Variants in MREG observed in about 807,000 individuals in gnomAD.
MREG encodes the protein dilute suppressor protein homolog.
Under a neutral mutation model 28.5 loss-of-function variants are expected in MREG, and 31 were observed. The observed-to-expected ratio is 1.09, with a 90% CI of 0.82 to 1.47. MREG has a LOEUF of 1.47. MREG is among the 40% of genes most tolerant of loss of function. The pLI is 0.00. For missense variants in MREG, 256 were observed against 257.4 expected (o/e 0.99, Z 0.04); for synonymous variants, 106 against 95.2 (o/e 1.11, Z -0.66).
At chr2:216,019,177 A>G (rs1008253691) in intron 1 of MREG, among the ~76,000 whole-genome samples, 3 of 152,172 alleles carry the variant, frequency 2.0e-5, no homozygotes, top group Admixed American at 1.3e-4. Flanking sequence ...CTTGTCAATC[A>G]ATACTAATTT....
At chr2:215,985,733 C>T (rs1397990130) in intron 2 of MREG, among the ~76,000 whole-genome samples, 1 of 152,138 alleles carries the variant, frequency 6.6e-6, no homozygotes, top group Non-Finnish European at 1.5e-5. Flanking sequence ...TATTTGTTAT[C>T]ATTCAGAGAA....
intron 2 of MREG, among the ~76,000 whole-genome samples, chr2:215,987,672 G>C (rs570326947): frequency 8.7e-4 from 132 of 152,300 alleles, no homozygotes; most frequent in African/African-American, 3.1e-3. Context: ...CCTGAGGTCA[G>C]GAGCTCGAGA....
intron 2 of MREG, among the ~76,000 whole-genome samples, chr2:215,948,288 G>A (rs1217827227): frequency 6.6e-6 from 1 of 152,204 alleles, no homozygotes; most frequent in Non-Finnish European, 1.5e-5. Context: ...TTGTTACGAC[G>A]GCATTTTAGA....
intron 1 of MREG, among the ~76,000 whole-genome samples, chr2:216,010,498 C>T (rs1353778485): frequency 6.6e-6 from 1 of 151,024 alleles, no homozygotes; most frequent in African/African-American, 2.4e-5. Flanking sequence ...GCTGGGACTA[C>T]AGGCGCCCGC....
intron 2 of MREG, among the ~76,000 whole-genome samples, chr2:215,984,518 C>CAAAAAAAAAAAAAAAAAAAAAAAA (rs375220091): frequency 2.9e-5 from 2 of 68,064 alleles, no homozygotes; most frequent in African/African-American, 1.4e-4. Flanking sequence ...ACCTTGTCAC[C>CAAAAAAAAAAAAAAAAAAAAAAAA]AAAAAAAAAA....
intron 2 of MREG, among the ~76,000 whole-genome samples, chr2:215,972,176 T>G (rs1432724140): frequency 6.6e-6 from 1 of 152,144 alleles, no homozygotes. Context: ...GCAGTATTTC[T>G]CAGATGATGA....
At chr2:216,029,338 C>T (rs1694644848) in intron 1 of MREG, among the ~76,000 whole-genome samples, 1 of 152,084 alleles carries the variant, frequency 6.6e-6, no homozygotes. Flanking sequence ...ATTAGCTGGG[C>T]GTGGTGGCGC....
chr2:216,008,988 A>G (rs1406031836), intron 1 of MREG, among the ~76,000 whole-genome samples: 3 of 152,162 alleles, frequency 2.0e-5, no homozygotes, highest in African/African-American at 7.2e-5. Context: ...CCATAGCCCT[A>G]TGAAGCACAG....
chr2:215,970,370 T>G (rs1693055886), intron 2 of MREG, among the ~76,000 whole-genome samples: 1 of 152,158 alleles, frequency 6.6e-6, no homozygotes, highest in Non-Finnish European at 1.5e-5. Context: ...CAAATTTCTG[T>G]TGTTTAAGCC....
downstream of MREG, among the ~76,000 whole-genome samples, chr2:215,940,839 T>G (rs1692188762): frequency 6.6e-6 from 1 of 152,102 alleles, no homozygotes; most frequent in African/African-American, 2.4e-5. Context: ...AGTGTATGTG[T>G]GTTGTGTGTG....
At chr2:215,954,939 G>T (rs1371970633) in intron 2 of MREG, among the ~76,000 whole-genome samples, 1 of 152,186 alleles carries the variant, frequency 6.6e-6, no homozygotes, top group Admixed American at 6.5e-5. Flanking sequence ...CTGACCTCAG[G>T]TGATCCGCCC....
intron 2 of MREG, among the ~76,000 whole-genome samples, chr2:215,986,955 A>C (rs944821015): frequency 5.9e-5 from 9 of 152,228 alleles, no homozygotes; most frequent in Admixed American, 4.6e-4. Context: ...CTACTGAAAA[A>C]ACTACGAAAG....
At position 215,987,812 on chromosome 2, in the gene MREG, AGAATCACTTGAAACCAGG is replaced by A. The variant is rs373342977; in HGVS notation, c.255+8476_255+8493del. Among the ~76,000 whole-genome samples the A allele has an allele frequency of 2.1e-4, 32 of 152,314 alleles. No individual in the cohort carries two copies. The East Asian group carries it at 4.6e-3, about 22-fold the overall frequency. On this transcript the variant is annotated intron_variant, in intron 2 of 4. Transcript: ENST00000263268. ...TAGTTACTCTGGAGGCTGAGGCAGG[AGAATCACTTGAAACCAGG>A]AGACGGAGGTTGCAGTGAGCTGAGA... is the stretch of plus-strand genomic sequence containing the variant.
intron 2 of MREG, among the ~76,000 whole-genome samples, chr2:215,957,307 T>A (rs1189532149): frequency 6.6e-6 from 1 of 152,146 alleles, no homozygotes; most frequent in Non-Finnish European, 1.5e-5. Context: ...GATGTTCTTT[T>A]TCCGAAGGGT....
At chr2:215,941,760 C>A (rs1692199946), downstream of MREG, 1 of 152,324 alleles carries the variant, frequency 6.6e-6, no homozygotes, top group South Asian at 2.1e-4. Flanking sequence ...TTGAGCAATA[C>A]TCATTTTAGA....
rs1477249663 is a variant in MREG, at chr2:215,948,531, C to CATCATGTTAAGCAACATGATG, written c.256-1419_256-1418insCATCATGTTGCTTAACATGAT. On this transcript the variant is annotated intron_variant, in intron 2 of 4. Coordinates refer to ENST00000263268, the MANE Select transcript of MREG (RefSeq NM_018000.3). Reference sequence around the variant, plus strand: ...AAGAAATATGCAACCCTAGCCACATCTTTAGCATCATGTTAAGGCATACCT... The same window carrying CATCATGTTAAGCAACATGATG: ...AAGAAATATGCAACCCTAGCCACATCATCATGTTAAGCAACATGATGTTTAGCATCATGTTAAGGCATACCT... 1.3e-4 allele frequency among the ~76,000 whole-genome samples: 20 copies of CATCATGTTAAGCAACATGATG among 152,342 alleles called. No homozygotes were observed. In the East Asian group the frequency reaches 2.7e-3, roughly 21 times the overall value.
At chr2:216,027,292 T>A (rs1434286527) in intron 1 of MREG, among the ~76,000 whole-genome samples, 3 of 152,246 alleles carry the variant, frequency 2.0e-5, no homozygotes, top group Non-Finnish European at 4.4e-5. Context: ...AATTGAACTA[T>A]CTTTAAACAG....
intron 3 of MREG, 36 bp from the exon 4 acceptor site, chr2:215,945,770 T>A: frequency 1.9e-6 from 3 of 1,586,348 alleles, no homozygotes. Context: ...TGTAAAGTAG[T>A]CCCAAGTTAA....
At chr2:216,025,649 G>C (rs1482140325) in intron 1 of MREG, among the ~76,000 whole-genome samples, 1 of 152,236 alleles carries the variant, frequency 6.6e-6, no homozygotes, top group East Asian at 1.9e-4. Context: ...GCCTACCTGG[G>C]AAAGGAACAT....
Sources: gnomAD v4.1 joint callset for allele counts (sites outside exome capture counted in the v4.1 genomes callset) on GRCh38, gnomAD v4.1.1 for gene constraint, MANE v1.5 for transcripts, NCBI Gene and HGNC (gene_info 2026-07-23, HGNC 2026-07-21) for gene names.